The following CBLC variants were observed in gnomAD, a reference collection of about 807,000 sequenced individuals.
The protein encoded by CBLC is Cbl proto-oncogene C.
CBLC carries 46 observed loss-of-function variants against 58.6 expected under a neutral mutation model. The observed-to-expected ratio is 0.79, with a 90% CI of 0.62 to 1.00. The LOEUF is 1.00. Among genes scored for constraint, CBLC ranks in the 50% least tolerant of loss-of-function variants. CBLC has a pLI of 0.00. For missense variants in CBLC, 655 were observed against 625.8 expected, an observed-to-expected ratio of 1.05 and a Z score of -0.50; for synonymous variants, 271 against 264.2, an observed-to-expected ratio of 1.03 and a Z score of -0.25.
At position 44,778,003 on chromosome 19, in the gene CBLC, G is replaced by C; in HGVS notation, c.72G>C (p.Met24Ile). Residue 24 changes from methionine (M) to isoleucine (I), a missense_variant, in exon 1 of 11, where the codon ATG (methionine) becomes ATC (isoleucine). By Grantham distance (10) the Met-to-Ile change is conservative. Around this residue, in one of 3 missense-constraint regions of CBLC, gnomAD observed 280 missense variants for 237.2 expected, o/e 1.18. Transcript: ENST00000647358. ...GCGCCCTGGGCCGGGCAGTCAGGAT[G>C]CTGCAGCGCCTAGAAGAGCAATGCG... ...EARALGRAVRMLQRLEEQCVD... is the reference protein window; with the variant it reads ...EARALGRAVRILQRLEEQCVD... 12 of 1,608,926 alleles carry C rather than the reference G, an allele frequency of 7.5e-6. No individual in the cohort carries two copies. The highest frequency in any genetic ancestry group is 1.0e-5 in the Non-Finnish European group (12 of 1,179,478).
intron 5 of CBLC, among the ~76,000 whole-genome samples, chr19:44,785,365 C>CA (rs753494554): frequency 2.0e-5 from 3 of 151,926 alleles, no homozygotes; most frequent in Non-Finnish European, 4.4e-5. Context: ...CTCGAACTCC[C>CA]AAAGTGCTGG....
chr19:44,792,513 A>G lies in CBLC; in HGVS notation c.1136A>G (p.Gln379Arg). 6.3e-7 allele frequency: 1 copy of G among 1,596,730 alleles called. No individual in the cohort carries two copies. The highest frequency in any genetic ancestry group is 1.1e-5 in the South Asian group (1 of 89,484). ...TGCAGCTGCTGCCTGGCTGCCTGGC[A>G]GGTGGGTCTGACCCCTGTGGCGCCT... Reference protein sequence around the residue: ...LLCSCCLAAWQHSDSQTCPFC... With the variant: ...LLCSCCLAAWRHSDSQTCPFC... The change falls in exon 7 of 11, where the codon CAG becomes CGG. Residue 379 changes from glutamine to arginine, a missense_variant and splice_region_variant. Transcript: ENST00000647358.
intron 9 of CBLC, among the ~76,000 whole-genome samples, chr19:44,798,592 G>A (rs907362321): frequency 9.9e-5 from 15 of 152,106 alleles, no homozygotes; most frequent in African/African-American, 2.7e-4. Context: ...GCGGGCACCC[G>A]TAATCCCAGC....
chr19:44,792,431 A>G lies in CBLC; in HGVS notation c.1054A>G (p.Lys352Glu), dbSNP rs760268560. The change falls in exon 7 of 11, where the codon AAG becomes GAG. Residue 352 changes from lysine to glutamate, a missense_variant. Around this residue, in one of 3 missense-constraint regions of CBLC, gnomAD observed 371 missense variants for 370.8 expected, o/e 1.00. Coordinates refer to ENST00000647358, the MANE Select transcript of CBLC (RefSeq NM_012116.4). ...CATGGACTCCACATTTGAGCTCTGC[A>G]AGATCTGTGCTGAGAGCAACAAGGA... ...WAMDSTFELC[K>E]ICAESNKDVK... 34 of 1,613,724 alleles carry G rather than the reference A, an allele frequency of 2.1e-5. No individual in the cohort carries two copies. The highest frequency in any genetic ancestry group is 2.7e-5 in the Non-Finnish European group (32 of 1,179,932).
At chr19:44,780,579 T>C (rs1012054844) in intron 1 of CBLC, among the ~76,000 whole-genome samples, 96 of 151,316 alleles carry the variant, frequency 6.3e-4, no homozygotes, top group African/African-American at 2.3e-3. Context: ...CTCCAGCGAT[T>C]CTCCTGCCTC....
At chr19:44,793,765 T>TC in intron 8 of CBLC, 145 bp downstream of exon 8, 1 of 715,706 alleles carries the variant, frequency 1.4e-6, no homozygotes, top group Non-Finnish European at 2.1e-6. Flanking sequence ...GAGCCTGTAC[T>TC]CTGAGTCTAA....
intron 1 of CBLC, among the ~76,000 whole-genome samples, chr19:44,779,843 A>G (rs1568554932): frequency 6.6e-6 from 1 of 152,020 alleles, no homozygotes; most frequent in African/African-American, 2.4e-5. Flanking sequence ...GAGAGCCACC[A>G]TGTCCAGCCA....
chr19:44,794,090 T>C, intron 8 of CBLC, 114 bp from the exon 9 acceptor site: 1 of 1,491,772 alleles, frequency 6.7e-7, no homozygotes, highest in Non-Finnish European at 8.9e-7. Flanking sequence ...TTGGTCTCTG[T>C]TATATCTTGA....
In CBLC at chr19:44,782,380, C is replaced by T. The variant is rs1483170598; in HGVS notation, c.668C>T (p.Thr223Ile). 1.2e-6 allele frequency: 2 copies of T among 1,613,784 alleles called. No homozygotes were observed. The highest frequency in any genetic ancestry group is 1.7e-6 in the Non-Finnish European group (2 of 1,179,786). Reference sequence around the variant, plus strand: ...CCTGCCCCACCCCAGCCATGGCCAACACTCCTCAAGAACTGGCAGCTCCTG... The same window carrying T: ...CCTGCCCCACCCCAGCCATGGCCAATACTCCTCAAGAACTGGCAGCTCCTG... ...VFTRLFQPWP[T>I]LLKNWQLLAV... The change falls in exon 4 of 11, where the codon ACA (threonine) becomes ATA (isoleucine). Residue 223 changes from threonine (T) to isoleucine (I), a missense_variant. Coordinates refer to ENST00000647358, the MANE Select transcript of CBLC (RefSeq NM_012116.4).
At chr19:44,799,845 AAAAG>A (rs950633205) in intron 9 of CBLC, among the ~76,000 whole-genome samples, 1 of 151,774 alleles carries the variant, frequency 6.6e-6, no homozygotes, top group Non-Finnish European at 1.5e-5. Flanking sequence ...GAAAGAAAAG[AAAAG>A]AAAGAAAAAG....
In CBLC at chr19:44,793,639, G is replaced by A; in HGVS notation, c.1284+19G>A. 1 of 1,580,702 alleles carries A rather than the reference G, an allele frequency of 6.3e-7. No homozygotes were observed. Among genetic ancestry groups the A allele is most frequent in the Non-Finnish European group, 8.6e-7 (1 of 1,164,614 alleles). On this transcript the variant is annotated intron_variant, in intron 8 of 10. Coordinates refer to ENST00000647358, the MANE Select transcript of CBLC (RefSeq NM_012116.4). ...GGGGCAGGTGAGCAGGGCCAGCCGG[G>A]AGCTGGAATCCAAATTCCTGAGGCC...
At chr19:44,793,322 C>A in intron 7 of CBLC, 152 bp from the exon 8 acceptor site, 1 of 828,838 alleles carries the variant, frequency 1.2e-6, no homozygotes, top group Non-Finnish European at 1.8e-6. Flanking sequence ...CCTCCACATT[C>A]CTCTGCTCTC....
chr19:44,792,194 A>C (rs369754057), intron 6 of CBLC, among the ~76,000 whole-genome samples, 189 bp from the exon 7 acceptor site: 1 of 151,634 alleles, frequency 6.6e-6, no homozygotes, highest in South Asian at 2.1e-4. Context: ...GGGTTTCAAC[A>C]TGTTGACCAG....
At position 44,778,272 on chromosome 19, in the gene CBLC, G is replaced by C; in HGVS notation, c.341G>C (p.Gly114Ala). 1 of 1,438,246 alleles carries C rather than the reference G, an allele frequency of 7.0e-7. No individual in the cohort carries two copies. Among genetic ancestry groups the C allele is most frequent in the Non-Finnish European group, 9.1e-7 (1 of 1,098,234 alleles). 89.1% of individuals were successfully genotyped at this position (1,438,246 alleles called of 1,614,324 possible). A position where few individuals can be genotyped will look rare whatever the true frequency, so the allele number is the denominator to read the frequency against. The stretch of plus-strand genomic sequence containing the variant: ...GCCAACGACGAGCTCTTCCGGGCGG[G>C]CTCCAGACTCAGGTGAGCCTTCGCC... Reference protein sequence around the residue: ...RSANDELFRAGSRLRRQLAKL... With the variant: ...RSANDELFRAASRLRRQLAKL... Residue 114 changes from glycine to alanine, a missense_variant, in exon 1 of 11, where the codon GGC (glycine) becomes GCC (alanine). Coordinates refer to ENST00000647358, the MANE Select transcript of CBLC (RefSeq NM_012116.4).
At chr19:44,794,959 CTTTT>C (rs35703201) in intron 9 of CBLC, among the ~76,000 whole-genome samples, 10 of 136,348 alleles carry the variant, frequency 7.3e-5, no homozygotes, top group African/African-American at 8.1e-5. Flanking sequence ...AATCCCAGTA[CTTTT>C]TTTTTTTTTT....
At chr19:44,780,869 C>T in intron 1 of CBLC, 36 bp from the exon 2 acceptor site, 2 of 1,601,862 alleles carry the variant, frequency 1.2e-6, no homozygotes, top group Non-Finnish European at 1.7e-6. Flanking sequence ...CAGTGGGAGC[C>T]CCAAGGATAG....
intron 6 of CBLC, among the ~76,000 whole-genome samples, chr19:44,790,453 TAG>T (rs1208303122): frequency 6.6e-6 from 1 of 152,140 alleles, no homozygotes; most frequent in Non-Finnish European, 1.5e-5. Flanking sequence ...TTTTTATTTT[TAG>T]AGACAGAATC....
intron 6 of CBLC, among the ~76,000 whole-genome samples, chr19:44,791,576 T>C (rs1968050681): frequency 6.6e-6 from 1 of 151,724 alleles, no homozygotes; most frequent in African/African-American, 2.4e-5. Context: ...CTACTAAACA[T>C]ACAAAAATTA....
intron 9 of CBLC, among the ~76,000 whole-genome samples, chr19:44,799,694 AAG>A (rs755886107): frequency 1.4e-3 from 201 of 146,196 alleles, no homozygotes; most frequent in African/African-American, 5.0e-3. Flanking sequence ...AAAGTAAAGA[AAG>A]AGAGAGAGAA....
Sources: allele counts gnomAD v4.1 joint callset (sites outside exome capture counted in the v4.1 genomes callset), GRCh38; gene constraint gnomAD v4.1.1; regional missense constraint gnomAD v4.1.1; transcripts MANE v1.5; gene names NCBI Gene and HGNC (gene_info 2026-07-23, HGNC 2026-07-21).